The following ADAMTSL1 variants were observed in gnomAD, a reference collection of about 807,000 sequenced individuals.
ADAMTSL1 encodes ADAMTS-like protein 1.
ADAMTSL1 carries 126 observed loss-of-function variants against 201.8 expected under a neutral mutation model. The ratio of observed to expected loss-of-function variants is 0.62; its 90% confidence interval spans 0.54 to 0.72. The LOEUF is 0.72. Ranked by LOEUF, ADAMTSL1 falls within the 30% of genes least tolerant of loss-of-function variation. The pLI is 0.00. For synonymous variants in ADAMTSL1, 1,121 were observed against 903.4 expected, an observed-to-expected ratio of 1.24 and a Z score of -4.32; for missense variants, 2,679 against 2,277.8, an observed-to-expected ratio of 1.18 and a Z score of -3.59.
chr9:18,500,690 C>G (rs1481001222), intron 1 of ADAMTSL1, among the ~76,000 whole-genome samples: 1 of 152,230 alleles, frequency 6.6e-6, no homozygotes, highest in African/African-American at 2.4e-5. Context: ...TCCATTCTCA[C>G]TCATCCAATG....
At chr9:18,190,084 C>G (rs891831133) in intron 2 of ADAMTSL1, among the ~76,000 whole-genome samples, 2 of 152,162 alleles carry the variant, frequency 1.3e-5, no homozygotes, top group African/African-American at 4.8e-5. Context: ...CTAAGGGGAT[C>G]CAGCACTGCA....
intron 1 of ADAMTSL1, among the ~76,000 whole-genome samples, chr9:18,061,747 T>A (rs1822464312): frequency 6.6e-6 from 1 of 152,224 alleles, no homozygotes; most frequent in Non-Finnish European, 1.5e-5. Flanking sequence ...CTTCTCTGTC[T>A]CTTATAAATT....
At chr9:18,580,582 T>TG (rs1279557461) in intron 4 of ADAMTSL1, among the ~76,000 whole-genome samples, 3 of 152,226 alleles carry the variant, frequency 2.0e-5, no homozygotes, top group African/African-American at 7.2e-5. Flanking sequence ...ACTTACTAGT[T>TG]GAATTTCCTT....
At chr9:18,812,415 C>G (rs1823560347) in intron 20 of ADAMTSL1, among the ~76,000 whole-genome samples, 1 of 152,094 alleles carries the variant, frequency 6.6e-6, no homozygotes, top group Non-Finnish European at 1.5e-5. Context: ...TGTGACCTCT[C>G]ACATCTTACA....
At chr9:18,341,851 C>G (rs936903756) in intron 2 of ADAMTSL1, among the ~76,000 whole-genome samples, 2 of 152,046 alleles carry the variant, frequency 1.3e-5, no homozygotes, top group Admixed American at 1.3e-4. Context: ...TGGGAGAGAA[C>G]TGAACCAAGT....
intron 2 of ADAMTSL1, among the ~76,000 whole-genome samples, chr9:18,242,071 T>A (rs949812534): frequency 3.6e-4 from 55 of 152,084 alleles, no homozygotes; most frequent in African/African-American, 1.3e-3. Context: ...AAGAAAACTA[T>A]AAGCCAATTC....
intron 15 of ADAMTSL1, among the ~76,000 whole-genome samples, chr9:18,741,363 G>A (rs1434049161): frequency 6.6e-6 from 1 of 152,064 alleles, no homozygotes; most frequent in Non-Finnish European, 1.5e-5. Flanking sequence ...AGACTGCAAA[G>A]ACAATTATCA....
chr9:18,579,234 C>G (rs961332008), intron 4 of ADAMTSL1, among the ~76,000 whole-genome samples: 5 of 149,796 alleles, frequency 3.3e-5, no homozygotes, highest in Non-Finnish European at 5.9e-5. Flanking sequence ...TCTCAGTAAA[C>G]TATCGCAAGA....
At chr9:18,122,608 A>G (rs1825549227) in intron 1 of ADAMTSL1, among the ~76,000 whole-genome samples, 1 of 152,220 alleles carries the variant, frequency 6.6e-6, no homozygotes, top group South Asian at 2.1e-4. Context: ...ACATTGGAAA[A>G]TAAGCCTACA....
At chr9:18,392,199 G>T (rs1838081977) in intron 2 of ADAMTSL1, among the ~76,000 whole-genome samples, 1 of 152,146 alleles carries the variant, frequency 6.6e-6, no homozygotes, top group South Asian at 2.1e-4. Flanking sequence ...TTACAAATAT[G>T]ATTAGTAATA....
At chr9:18,855,516 A>G (rs1262917832) in intron 23 of ADAMTSL1, among the ~76,000 whole-genome samples, 5 of 152,336 alleles carry the variant, frequency 3.3e-5, no homozygotes, top group African/African-American at 1.2e-4. Flanking sequence ...GAAAATGATG[A>G]TAACAATAAT....
chr9:18,114,998 A>G (rs1013360738), intron 1 of ADAMTSL1, among the ~76,000 whole-genome samples: 3 of 152,194 alleles, frequency 2.0e-5, no homozygotes, highest in Non-Finnish European at 2.9e-5. Flanking sequence ...TTAGTTGTCA[A>G]TGATAATTGA....
intron 2 of ADAMTSL1, among the ~76,000 whole-genome samples, chr9:18,231,034 A>G (rs537428595): frequency 4.3e-4 from 66 of 152,288 alleles, no homozygotes; most frequent in Non-Finnish European, 5.9e-4. Flanking sequence ...ATGCCTCCTC[A>G]TCAGCCTGGG....
intron 21 of ADAMTSL1, among the ~76,000 whole-genome samples, chr9:18,822,458 A>T (rs1952293): frequency 0.72 from 109,415 of 152,030 alleles, 39,615 homozygotes; most frequent in African/African-American, 0.74. Context: ...TTCTCTCAAG[A>T]GTCAGGCTAG....
At chr9:18,450,248 A>G (rs997027887) in intron 2 of ADAMTSL1, among the ~76,000 whole-genome samples, 2 of 152,196 alleles carry the variant, frequency 1.3e-5, no homozygotes, top group African/African-American at 2.4e-5. Context: ...GGAGCGATGG[A>G]AATATTCTAT....
At chr9:18,857,153 A>G (rs1027977839) in intron 23 of ADAMTSL1, among the ~76,000 whole-genome samples, 7 of 152,200 alleles carry the variant, frequency 4.6e-5, no homozygotes, top group Non-Finnish European at 5.9e-5. Flanking sequence ...TTTGTTTTGA[A>G]ATAACTTCAA....
At chr9:17,990,364 A>T (rs1019546993) in intron 1 of ADAMTSL1, among the ~76,000 whole-genome samples, 4 of 152,116 alleles carry the variant, frequency 2.6e-5, no homozygotes, top group South Asian at 4.1e-4. Context: ...ATACTTAATC[A>T]TTGAGATGTT....
Position 18,303,005 on chromosome 9 carries a change from A to G in ADAMTSL1, c.207+139024A>G, listed in dbSNP as rs553618910. Among the ~76,000 whole-genome samples the G allele has an allele frequency of 2.6e-5, 4 of 152,344 alleles. No homozygotes were observed. The East Asian group carries it at 7.7e-4, about 29-fold the overall frequency. On this transcript the variant is annotated intron_variant, in intron 2 of 29. Transcript: ENST00000680146. ...TCAGTTAATAATGGTGCTTTAATAC[A>G]TAAGAAAAGATGCAGAGAAACTCAC...
intron 2 of ADAMTSL1, among the ~76,000 whole-genome samples, chr9:18,279,428 A>G (rs915149824): frequency 6.6e-6 from 1 of 151,718 alleles, no homozygotes; most frequent in Non-Finnish European, 1.5e-5. Context: ...GTCAGTTACT[A>G]GTGATTTATT....
Sources: allele counts gnomAD v4.1 joint callset (sites outside exome capture counted in the v4.1 genomes callset), GRCh38; gene constraint gnomAD v4.1.1; transcripts MANE v1.5; gene names NCBI Gene and HGNC (gene_info 2026-07-23, HGNC 2026-07-21).